The following SREK1IP1 variants were observed in gnomAD, a reference collection of about 807,000 sequenced individuals.
SREK1IP1 encodes protein SREK1IP1.
Under a neutral mutation model 22.8 loss-of-function variants are expected in SREK1IP1, and 12 were observed. That is an observed-to-expected ratio of 0.53 (90% confidence interval 0.34 to 0.85). The LOEUF is 0.85. Among genes scored for constraint, SREK1IP1 ranks in the 40% least tolerant of loss-of-function variants. SREK1IP1 has a pLI of 0.02. For missense variants in SREK1IP1, 147 were observed against 171.8 expected (o/e 0.86, Z 0.81); for synonymous variants, 53 against 52.7 (o/e 1.01, Z -0.02).
intron 3 of SREK1IP1, among the ~76,000 whole-genome samples, chr5:64,740,618 G>T (rs1346931264): frequency 4.6e-5 from 7 of 152,150 alleles, no homozygotes; most frequent in Admixed American, 4.6e-4. Flanking sequence ...AGTGAAGCTT[G>T]ATACTGGCTA....
chr5:64,728,305 A>G, intron 3 of SREK1IP1, 126 bp from the exon 4 acceptor site: 1 of 930,004 alleles, frequency 1.1e-6, no homozygotes, highest in South Asian at 4.3e-5. Flanking sequence ...TTTTTGTAAT[A>G]ATTTTCCCCT....
chr5:64,729,787 A>G (rs1026560401), intron 3 of SREK1IP1, among the ~76,000 whole-genome samples: 1 of 152,162 alleles, frequency 6.6e-6, no homozygotes. Context: ...ACTGATTAAA[A>G]TGTGGATTGG....
chr5:64,754,437 A>C, intron 1 of SREK1IP1, 75 bp from the exon 2 acceptor site: 1 of 1,438,366 alleles, frequency 7.0e-7, no homozygotes, highest in South Asian at 1.2e-5. Flanking sequence ...GTATGAAAAA[A>C]GCTAAGAAAA....
rs1175788289 is a variant in SREK1IP1 at position 64,724,382 on chromosome 5, A to T, written c.*2T>A. On this transcript the variant is annotated 3_prime_UTR_variant, in exon 5 of 5. Coordinates refer to ENST00000513458, the MANE Select transcript of SREK1IP1 (RefSeq NM_173829.4). ...ATTTAACGGCTTAAGCCAAAGTCTC[A>T]GTTACTTTCTGGAGAATTCAGAACT... The T allele has an allele frequency of 6.5e-7, 1 of 1,528,550 alleles. No individual in the cohort carries two copies. The highest frequency in any genetic ancestry group is 8.7e-7 in the Non-Finnish European group (1 of 1,144,868). The allele number at this position is 1,528,550 out of a possible 1,614,324, so 94.7% of individuals were successfully genotyped here.
At chr5:64,732,186 T>C (rs1429867551) in intron 3 of SREK1IP1, among the ~76,000 whole-genome samples, 1 of 152,082 alleles carries the variant, frequency 6.6e-6, no homozygotes, top group Non-Finnish European at 1.5e-5. Flanking sequence ...ACTAAAACAA[T>C]GCAAGTGATG....
chr5:64,728,932 G>A (rs1223804445), intron 3 of SREK1IP1, among the ~76,000 whole-genome samples: 2 of 152,150 alleles, frequency 1.3e-5, no homozygotes, highest in Non-Finnish European at 2.9e-5. Flanking sequence ...GGTGGCTCAT[G>A]CCTGTAATCC....
intron 1 of SREK1IP1, 143 bp downstream of exon 1, chr5:64,768,362 C>A: frequency 1.9e-6 from 2 of 1,047,784 alleles, no homozygotes; most frequent in South Asian, 2.9e-5. Flanking sequence ...TAAACTTTTT[C>A]ATGTAAACAA....
In SREK1IP1 at chr5:64,723,307, T is replaced by C. The variant is rs982128686; in HGVS notation, c.*1077A>G. 6 of 152,200 alleles carry C rather than the reference T, an allele frequency of 3.9e-5. No individual in the cohort carries two copies. The highest frequency in any genetic ancestry group is 7.3e-5 in the Non-Finnish European group (5 of 68,030). 9.4% of individuals were successfully genotyped at this position (152,200 alleles called of 1,614,324 possible). The stretch of plus-strand genomic sequence containing the variant: ...AAATTCTCAATTCTTTTTTTGACAC[T>C]TTTTACTCTTGAGTTTGCCACTAAA... On this transcript the variant is annotated 3_prime_UTR_variant, in exon 5 of 5. Coordinates refer to ENST00000513458, the MANE Select transcript of SREK1IP1 (RefSeq NM_173829.4).
intron 3 of SREK1IP1, among the ~76,000 whole-genome samples, chr5:64,740,053 T>A (rs926406743): frequency 1.3e-5 from 2 of 152,168 alleles, no homozygotes; most frequent in Non-Finnish European, 2.9e-5. Context: ...TTTTGTAGTT[T>A]ACAAAGTAGT....
Position 64,719,205 on chromosome 5 carries a change from T to A in SREK1IP1, c.*5179A>T, listed in dbSNP as rs905407962. 2 of 152,166 alleles carry A rather than the reference T, an allele frequency of 1.3e-5. No individual in the cohort carries two copies. The highest frequency in any genetic ancestry group is 2.1e-4 in the South Asian group (1 of 4,828). 9.4% of individuals were successfully genotyped at this position (152,166 alleles called of 1,614,324 possible). On this transcript the variant is annotated 3_prime_UTR_variant, in exon 5 of 5. Transcript: ENST00000513458. ...GGCTAATGCAACTGAAAAAATAAAA[T>A]TTTTCATTTATTTAATTAATTTAAA...
intron 1 of SREK1IP1, among the ~76,000 whole-genome samples, chr5:64,755,863 A>G (rs1190504779): frequency 6.6e-6 from 1 of 151,924 alleles, no homozygotes; most frequent in Non-Finnish European, 1.5e-5. Context: ...ACACACACAT[A>G]CATACATTAA....
At chr5:64,761,068 G>A (rs1193640637) in intron 1 of SREK1IP1, among the ~76,000 whole-genome samples, 1 of 152,162 alleles carries the variant, frequency 6.6e-6, no homozygotes, top group Non-Finnish European at 1.5e-5. Flanking sequence ...AAATTCTTCA[G>A]AGAGGTTACA....
At position 64,760,183 on chromosome 5, in the gene SREK1IP1, A is replaced by T. The variant is rs150464262; in HGVS notation, c.14-5821T>A. On this transcript the variant is annotated intron_variant, in intron 1 of 4. Transcript: ENST00000513458. Reference sequence around the variant, plus strand: ...ATCGCTAAGATATACTGTAAAAAGAAAAAAAGCAAGGTGCAGAACAGTGTT... The same window carrying T: ...ATCGCTAAGATATACTGTAAAAAGATAAAAAGCAAGGTGCAGAACAGTGTT... 3.9e-3 allele frequency among the ~76,000 whole-genome samples: 591 copies of T among 152,352 alleles called. 3 individuals are homozygous for T. The highest frequency in any genetic ancestry group is 6.5e-3 in the Non-Finnish European group (440 of 68,026).
At chr5:64,766,344 C>T (rs1444374165) in intron 1 of SREK1IP1, among the ~76,000 whole-genome samples, 1 of 152,162 alleles carries the variant, frequency 6.6e-6, no homozygotes, top group Admixed American at 6.5e-5. Flanking sequence ...AATTGCTTAA[C>T]AGTAAAACCC....
intron 3 of SREK1IP1, among the ~76,000 whole-genome samples, chr5:64,734,138 A>G (rs1216612498): frequency 6.6e-6 from 1 of 152,100 alleles, no homozygotes; most frequent in Non-Finnish European, 1.5e-5. Context: ...AAGGGTCTCT[A>G]TGTGATTTCT....
chr5:64,723,007 T>C lies in SREK1IP1; in HGVS notation c.*1377A>G, dbSNP rs1580534059. On this transcript the variant is annotated 3_prime_UTR_variant, in exon 5 of 5. Coordinates refer to ENST00000513458, the MANE Select transcript of SREK1IP1 (RefSeq NM_173829.4). ...TATAGGTTATCAATTTGAAAATTTCTAAGCGCACCATAGTGAGGTATTTGC... is the reference window on the plus strand; with the variant it reads ...TATAGGTTATCAATTTGAAAATTTCCAAGCGCACCATAGTGAGGTATTTGC... 1 of 152,334 alleles carries C rather than the reference T, an allele frequency of 6.6e-6. No individual in the cohort carries two copies. The allele number at this position is 152,334 out of a possible 1,614,324, so 9.4% of individuals were successfully genotyped here.
intron 3 of SREK1IP1, among the ~76,000 whole-genome samples, chr5:64,737,538 C>CA (rs1742485736): frequency 1.5e-5 from 2 of 133,590 alleles, no homozygotes; most frequent in Admixed American, 1.5e-4. Context: ...AGAAGGATCT[C>CA]AAAAAAACAC....
rs912085095 is a variant in SREK1IP1 at position 64,721,871 on chromosome 5, T to C, written c.*2513A>G. 1.3e-5 allele frequency: 2 copies of C among 152,180 alleles called. No homozygotes were observed. The highest frequency in any genetic ancestry group is 4.8e-5 in the African/African-American group (2 of 41,450). The allele number at this position is 152,180 out of a possible 1,614,324, so 9.4% of individuals were successfully genotyped here. ...TTAAAATATTGATAATTATATATAT[T>C]AAACCTTGAAGTGATTTCAGAGATA... On this transcript the variant is annotated 3_prime_UTR_variant, in exon 5 of 5. Coordinates refer to ENST00000513458, the MANE Select transcript of SREK1IP1 (RefSeq NM_173829.4).
At chr5:64,756,593 C>T (rs542908764) in intron 1 of SREK1IP1, among the ~76,000 whole-genome samples, 1 of 152,064 alleles carries the variant, frequency 6.6e-6, no homozygotes, top group Admixed American at 6.5e-5. Context: ...AATGAAAGCC[C>T]CAGTATAGTA....
Sources: allele counts gnomAD v4.1 joint callset (sites outside exome capture counted in the v4.1 genomes callset), GRCh38; gene constraint gnomAD v4.1.1; transcripts MANE v1.5; gene names NCBI Gene and HGNC (gene_info 2026-07-23, HGNC 2026-07-21).